PLD3: variants seen among roughly 807,000 people sequenced by gnomAD.
PLD3 encodes the protein 5'-3' exonuclease PLD3.
Under a neutral mutation model 58.4 loss-of-function variants are expected in PLD3, and 31 were observed. The observed-to-expected ratio is 0.53, with a 90% CI of 0.40 to 0.72. PLD3 has a LOEUF of 0.72. Among genes scored for constraint, PLD3 ranks in the 30% least tolerant of loss-of-function variants. The pLI is 0.00. For synonymous variants in PLD3, 264 were observed against 273.4 expected, an observed-to-expected ratio of 0.97 and a Z score of 0.34; for missense variants, 595 against 659.8, an observed-to-expected ratio of 0.90 and a Z score of 1.08.
At chr19:40,366,562 G>A (rs772548838) in intron 3 of PLD3, 48 bp from the exon 4 acceptor site, 1 of 1,590,508 alleles carries the variant, frequency 6.3e-7, no homozygotes, top group Non-Finnish European at 8.6e-7. Context: ...GTGGGGGTGG[G>A]GGTTCCCAAG....
intron 1 of PLD3, chr19:40,357,560 A>G (rs991860091): frequency 2.0e-5 from 3 of 152,036 alleles, no homozygotes; most frequent in Non-Finnish European, 2.9e-5. Flanking sequence ...CACCCACCCT[A>G]TATGCTCTGG....
At position 40,374,631 on chromosome 19, in the gene PLD3, G is replaced by C; in HGVS notation, c.1019+11G>C. ...CTCCCACCCTCACAGGTACTGCTGG[G>C]TGTGGAGATAGGGAGCCGCTGCAGT... On this transcript the variant is annotated intron_variant, in intron 10 of 12. Transcript: ENST00000409735. 6.2e-7 allele frequency: 1 copy of C among 1,613,938 alleles called. No individual in the cohort carries two copies. Among genetic ancestry groups the C allele is most frequent in the Non-Finnish European group, 8.5e-7 (1 of 1,179,922 alleles).
chr19:40,353,577 C>A (rs191238384), intron 1 of PLD3, among the ~76,000 whole-genome samples: 29 of 151,874 alleles, frequency 1.9e-4, no homozygotes, highest in East Asian at 1.4e-3. Context: ...CTTTTCTTTT[C>A]TTTTCTTTTT....
chr19:40,366,817 C>G lies in PLD3; in HGVS notation c.147C>G (p.Gly49=). 1 of 1,613,970 alleles carries G rather than the reference C, an allele frequency of 6.2e-7. No homozygotes were observed. The highest frequency in any genetic ancestry group is 8.5e-7 in the Non-Finnish European group (1 of 1,179,924). The change falls in exon 5 of 13, where the codon GGC becomes GGG. Residue 49 remains glycine (G), a synonymous_variant. Coordinates refer to ENST00000409735, the MANE Select transcript of PLD3 (RefSeq NM_012268.4). ...VLLVLILAVV[G]FGALMTQLFL... ...TGGTCCTCATTCTGGCGGTTGTGGG[C>G]TTCGGAGCCCTGATGACTCAGCTGT...
chr19:40,369,765 A>G (rs1335891478), intron 6 of PLD3, 143 bp from the exon 7 acceptor site: 1 of 703,100 alleles, frequency 1.4e-6, no homozygotes, highest in Admixed American at 3.4e-5. Context: ...TAATATTTTA[A>G]TCTGTAAAGT....
rs2079295407 is a variant in PLD3, at chr19:40,378,255, C to T, written c.*82C>T. The T allele has an allele frequency of 7.9e-7, 1 of 1,266,634 alleles. No homozygotes were observed. The highest frequency in any genetic ancestry group is 1.8e-4 in the Middle Eastern group (1 of 5,412). The allele number at this position is 1,266,634 out of a possible 1,614,324, so 78.5% of individuals were successfully genotyped here. A position where few individuals can be genotyped will look rare whatever the true frequency, so the allele number is the denominator to read the frequency against. ...TGGGTCACGGTCCCTGTCCCCGCGC[C>T]CCCGCTTCTGTCTGCCCCATTGTGG... is the stretch of plus-strand genomic sequence containing the variant. On this transcript the variant is annotated 3_prime_UTR_variant, in exon 13 of 13. Coordinates refer to ENST00000409735, the MANE Select transcript of PLD3 (RefSeq NM_012268.4).
intron 1 of PLD3, among the ~76,000 whole-genome samples, chr19:40,355,612 CTTTTTTTTTTTTTTTTT>C (rs60422933): frequency 1.2e-5 from 1 of 81,104 alleles, no homozygotes; most frequent in Non-Finnish European, 2.3e-5. Context: ...GTGCCGGCTC[CTTTTTTTTTTTTTTTTT>C]TTTTTTTTCC....
At position 40,348,717 on chromosome 19, in the gene PLD3, C is replaced by T. The variant is rs923809946; in HGVS notation, c.-330C>T. On this transcript the variant is annotated 5_prime_UTR_variant, in exon 1 of 13. Coordinates refer to ENST00000409735, the MANE Select transcript of PLD3 (RefSeq NM_012268.4). ...GAGGGGCCGTCAGGCGGGGATACAG[C>T]CTGGAAGGTGCGTGTGGGGCTGGGT... The T allele has an allele frequency of 7.0e-5, 39 of 559,232 alleles. 1 individual carries two copies. The African/African-American group carries it at 7.2e-4, about 10-fold the overall frequency. 34.6% of individuals were successfully genotyped at this position (559,232 alleles called of 1,614,324 possible).
intron 1 of PLD3, among the ~76,000 whole-genome samples, chr19:40,364,690 G>C (rs1430349040): frequency 1.3e-5 from 2 of 151,886 alleles, no homozygotes; most frequent in African/African-American, 4.8e-5. Context: ...CAGCTACTCG[G>C]GAAGCTGAGG....
At chr19:40,364,407 C>T (rs2078863173) in intron 1 of PLD3, among the ~76,000 whole-genome samples, 2 of 151,842 alleles carry the variant, frequency 1.3e-5, no homozygotes. Context: ...AATCTCAGAA[C>T]TTTGGGAGGC....
At chr19:40,373,590 G>A (rs1279245693) in intron 9 of PLD3, among the ~76,000 whole-genome samples, 4 of 143,708 alleles carry the variant, frequency 2.8e-5, no homozygotes, top group Admixed American at 6.9e-5. Flanking sequence ...AAAAAAAAAA[G>A]GGGGGGAAGC....
At chr19:40,364,761 A>T (rs186298373) in intron 1 of PLD3, among the ~76,000 whole-genome samples, 1 of 148,710 alleles carries the variant, frequency 6.7e-6, no homozygotes, top group South Asian at 2.1e-4. Context: ...GCGCCACTGC[A>T]CTCCAGCGTG....
Position 40,376,747 on chromosome 19 carries a change from C to CAA in PLD3, c.1159_1160dup (p.Asn387LysfsTer10). 2 of 1,600,546 alleles carry CAA rather than the reference C, an allele frequency of 1.2e-6. No homozygotes were observed. Among genetic ancestry groups the CAA allele is most frequent in the Non-Finnish European group, 8.5e-7 (1 of 1,179,910 alleles). On this transcript the variant is annotated frameshift_variant, in exon 11 of 13. Transcript: ENST00000409735. LOFTEE classifies it high-confidence loss of function. ...TGCTCTCTCTGGCTGCCCTGCGTGACAACCATACCCACTCTGACATCCAGG... is the reference window on the plus strand; with the variant it reads ...TGCTCTCTCTGGCTGCCCTGCGTGACAAAACCATACCCACTCTGACATCCAGG...
Position 40,378,484 on chromosome 19 carries a change from C to T in PLD3, c.*311C>T. The T allele has an allele frequency of 6.7e-6, 3 of 448,404 alleles. No individual in the cohort carries two copies. Among genetic ancestry groups the T allele is most frequent in the South Asian group, 4.4e-5 (2 of 45,264 alleles). 27.8% of individuals were successfully genotyped at this position (448,404 alleles called of 1,614,324 possible). On this transcript the variant is annotated 3_prime_UTR_variant, in exon 13 of 13. Coordinates refer to ENST00000409735, the MANE Select transcript of PLD3 (RefSeq NM_012268.4). ...ATAATAAGTAAATAACTTGTCTGTACAGCCTGTGCCTGACTGAGTGGTGTG... is the reference window on the plus strand; with the variant it reads ...ATAATAAGTAAATAACTTGTCTGTATAGCCTGTGCCTGACTGAGTGGTGTG...
intron 1 of PLD3, among the ~76,000 whole-genome samples, chr19:40,363,231 A>C (rs1473679268): frequency 6.6e-6 from 1 of 152,152 alleles, no homozygotes; most frequent in Admixed American, 6.5e-5. Flanking sequence ...CATATTCTTC[A>C]ATAAAAATAT....
chr19:40,366,395 C>G (rs889436212), intron 2 of PLD3, 24 bp from the exon 3 acceptor site: 80 of 1,095,670 alleles, frequency 7.3e-5, no homozygotes, highest in Non-Finnish European at 1.0e-4. Flanking sequence ...ACACCCCACA[C>G]AGTGCCCACT....
chr19:40,350,260 C>CAAAAAAAAAAAAAAAAAAAAAAAAAAAAA (rs763559067), intron 1 of PLD3, among the ~76,000 whole-genome samples: 1 of 68,122 alleles, frequency 1.5e-5, no homozygotes, highest in Non-Finnish European at 2.7e-5. Context: ...GACTCCGTCT[C>CAAAAAAAAAAAAAAAAAAAAAAAAAAAAA]AAAAAAAAAA....
rs1316906503 is a variant in PLD3 at position 40,350,651 on chromosome 19, A to T, written c.-279+1883A>T. 2.0e-5 allele frequency among the ~76,000 whole-genome samples: 3 copies of T among 150,886 alleles called. No homozygotes were observed. In the Admixed American group the frequency reaches 2.0e-4, roughly 10 times the overall value. Reference sequence around the variant, plus strand: ...CTGAGCAACTCGGGAGGCTGAGGTGAGAGGATTGCTTGAACCCAGGAGGCG... The same window carrying T: ...CTGAGCAACTCGGGAGGCTGAGGTGTGAGGATTGCTTGAACCCAGGAGGCG... On this transcript the variant is annotated intron_variant, in intron 1 of 12. Transcript: ENST00000409735.
intron 1 of PLD3, among the ~76,000 whole-genome samples, chr19:40,365,364 A>G (rs1038919081): frequency 2.6e-5 from 4 of 152,152 alleles, no homozygotes; most frequent in African/African-American, 9.7e-5. Context: ...AAAATCAAAT[A>G]CCAAAATCTA....
Sources: gnomAD v4.1 joint callset for allele counts (sites outside exome capture counted in the v4.1 genomes callset) on GRCh38, gnomAD v4.1.1 for gene constraint, MANE v1.5 for transcripts, NCBI Gene and HGNC (gene_info 2026-07-23, HGNC 2026-07-21) for gene names.